COL10A1: variants seen among roughly 807,000 people sequenced by gnomAD.
The protein encoded by COL10A1 is collagen type X alpha 1 chain.
A neutral mutation model predicts 18.2 loss-of-function variants in COL10A1; 10 were observed. The observed-to-expected ratio is 0.55, with a 90% CI of 0.34 to 0.93. The LOEUF (loss-of-function observed/expected upper bound fraction) is 0.93, where lower values mean the gene tolerates loss of function less well. Among genes scored for constraint, COL10A1 ranks in the 40% least tolerant of loss-of-function variants. COL10A1 has a pLI of 0.02. For missense variants in COL10A1, 897 were observed against 853.5 expected (o/e 1.05, Z -0.64); for synonymous variants, 330 against 316.6 (o/e 1.04, Z -0.45).
chr6:116,202,338 A>G, the COL10A1 span, among the ~76,000 whole-genome samples: 7 of 151,934 alleles, frequency 4.6e-5, no homozygotes, highest in Non-Finnish European at 7.4e-5. Flanking sequence ...TTCCTTCTCA[A>G]TTTTGGCCCA....
intron 2 of COL10A1, among the ~76,000 whole-genome samples, chr6:116,122,747 G>T (rs1779170732): frequency 6.6e-6 from 1 of 152,140 alleles, no homozygotes; most frequent in African/African-American, 2.4e-5. Context: ...AAAACATTTG[G>T]TGTATATAAA....
At chr6:116,143,840 A>C (rs968231583) in intron 1 of COL10A1, among the ~76,000 whole-genome samples, 1 of 152,178 alleles carries the variant, frequency 6.6e-6, no homozygotes, top group African/African-American at 2.4e-5. Context: ...ATTTATTGCA[A>C]CATTGTCAAG....
the COL10A1 span, among the ~76,000 whole-genome samples, chr6:116,187,600 C>CA: frequency 2.0e-5 from 3 of 152,044 alleles, no homozygotes; most frequent in South Asian, 6.2e-4. Flanking sequence ...AGAACAGGTA[C>CA]AGCAGAGCAG....
chr6:116,211,247 C>T, the COL10A1 span, among the ~76,000 whole-genome samples: 3,744 of 152,030 alleles, frequency 0.025, 145 homozygotes, highest in African/African-American at 0.085. Flanking sequence ...TGAAGAAACC[C>T]TTAGATGATT....
the COL10A1 span, among the ~76,000 whole-genome samples, chr6:116,215,458 C>T: frequency 6.6e-6 from 1 of 152,132 alleles, no homozygotes; most frequent in African/African-American, 2.4e-5. Context: ...TTCATCTCTC[C>T]CTATGAAATT....
intron 1 of COL10A1, among the ~76,000 whole-genome samples, chr6:116,152,046 C>G (rs1179183746): frequency 1.3e-5 from 2 of 152,168 alleles, no homozygotes; most frequent in Non-Finnish European, 2.9e-5. Flanking sequence ...GTTGATTTCA[C>G]TACATTCTTC....
chr6:116,168,450 A>G, the COL10A1 span, among the ~76,000 whole-genome samples: 11 of 151,454 alleles, frequency 7.3e-5, no homozygotes, highest in African/African-American at 2.7e-4. Context: ...TTCTTTTTCT[A>G]TTTTTCAATT....
chr6:116,207,673 G>A, the COL10A1 span, among the ~76,000 whole-genome samples: 6 of 151,908 alleles, frequency 3.9e-5, no homozygotes, highest in African/African-American at 1.4e-4. Flanking sequence ...AGAAAAAAGA[G>A]GAATTTAGAT....
rs764481234 is a variant in COL10A1, at chr6:116,121,088, A to C, written c.1028T>G (p.Met343Arg). The C allele has an allele frequency of 6.2e-7, 1 of 1,613,876 alleles. No individual in the cohort carries two copies. Among genetic ancestry groups the C allele is most frequent in the South Asian group, 1.1e-5 (1 of 91,078 alleles). ...GATGCCTTTTGGTCCTTGGGGTCCC[A>C]TATTCCCAGGGGGTCCAGTCAGACC... ...KPGLTGPPGN[M>R]GPQGPKGIPG... Residue 343 changes from methionine (M) to arginine (R), a missense_variant, in exon 3 of 3, where the codon ATG becomes AGG. Coordinates refer to ENST00000651968, the MANE Select transcript of COL10A1 (RefSeq NM_000493.4).
At chr6:116,124,135 T>A (rs1453378544) in intron 2 of COL10A1, among the ~76,000 whole-genome samples, 1 of 152,278 alleles carries the variant, frequency 6.6e-6, no homozygotes, top group South Asian at 2.1e-4. Context: ...TTTCAAATAT[T>A]AAGTTTCCTT....
At chr6:116,205,135 C>T in the COL10A1 span, among the ~76,000 whole-genome samples, 26 of 151,818 alleles carry the variant, frequency 1.7e-4, no homozygotes, top group African/African-American at 6.3e-4. Context: ...CCGGTAAAAC[C>T]CCTTCCTCAT....
chr6:116,190,798 AC>A, the COL10A1 span, among the ~76,000 whole-genome samples: 1 of 152,016 alleles, frequency 6.6e-6, no homozygotes. Context: ...GGGGCAAGTG[AC>A]AGGTCTGCTG....
At chr6:116,192,293 G>C in the COL10A1 span, among the ~76,000 whole-genome samples, 1 of 151,994 alleles carries the variant, frequency 6.6e-6, no homozygotes, top group African/African-American at 2.4e-5. Flanking sequence ...CTAATACATA[G>C]TGAGGAGCTC....
the COL10A1 span, among the ~76,000 whole-genome samples, chr6:116,186,005 T>G: frequency 6.6e-6 from 1 of 152,084 alleles, no homozygotes; most frequent in African/African-American, 2.4e-5. Context: ...TTTGGTGTAT[T>G]TCAAGGATTT....
chr6:116,139,606 T>C (rs1779712695), intron 1 of COL10A1, among the ~76,000 whole-genome samples: 1 of 152,154 alleles, frequency 6.6e-6, no homozygotes, highest in Admixed American at 6.5e-5. Context: ...AAAGAGCCCT[T>C]CCAGTTTTTA....
the COL10A1 span, among the ~76,000 whole-genome samples, chr6:116,178,897 C>G: frequency 1.3e-5 from 2 of 152,118 alleles, no homozygotes; most frequent in African/African-American, 4.8e-5. Context: ...TTCTTTTACT[C>G]GATATGCATT....
intron 1 of COL10A1, among the ~76,000 whole-genome samples, chr6:116,139,308 G>A (rs1779704920): frequency 6.6e-6 from 1 of 151,904 alleles, no homozygotes. Flanking sequence ...TGTGTTATTT[G>A]GTACAAATGA....
intron 1 of COL10A1, among the ~76,000 whole-genome samples, chr6:116,139,188 G>A (rs905201561): frequency 6.6e-6 from 1 of 152,100 alleles, no homozygotes; most frequent in African/African-American, 2.4e-5. Context: ...TAAGAGTTTT[G>A]GAGCCCATGG....
the COL10A1 span, among the ~76,000 whole-genome samples, chr6:116,173,572 TC>T: frequency 5.7e-3 from 864 of 152,236 alleles, 17 homozygotes; most frequent in South Asian, 0.046. Context: ...GCGAGTGTGC[TC>T]CTCAGGGTAT....
Sources: gnomAD v4.1 joint callset for allele counts (sites outside exome capture counted in the v4.1 genomes callset) on GRCh38, gnomAD v4.1.1 for gene constraint, MANE v1.5 for transcripts, NCBI Gene and HGNC (gene_info 2026-07-23, HGNC 2026-07-21) for gene names.